Variants in SMG6 observed in about 807,000 individuals in gnomAD.
SMG6 encodes the protein SMG6 nonsense mediated mRNA decay factor, also known as telomerase-binding protein EST1A.
SMG6 carries 66 observed loss-of-function variants against 142.2 expected under a neutral mutation model. That is an observed-to-expected ratio of 0.46 (90% CI 0.38 to 0.57). The LOEUF (loss-of-function observed/expected upper bound fraction) is 0.57, where lower values mean the gene tolerates loss of function less well. Among genes scored for constraint, SMG6 ranks in the 20% least tolerant of loss-of-function variants. The pLI is 0.00. For synonymous variants in SMG6, 779 were observed against 702.4 expected (o/e 1.11, Z -1.72); for missense variants, 1,793 against 1,832.0 (o/e 0.98, Z 0.39).
At chr17:2,184,657 CAAAAAAA>C (rs150364302) in intron 12 of SMG6, among the ~76,000 whole-genome samples, 2 of 52,798 alleles carry the variant, frequency 3.8e-5, no homozygotes, top group African/African-American at 1.6e-4. Context: ...AACTCCGTCT[CAAAAAAA>C]AAAAAAAAAA....
In SMG6 at chr17:2,186,817, G is replaced by T; in HGVS notation, c.3001C>A (p.Pro1001Thr). 1 of 1,614,164 alleles carries T rather than the reference G, an allele frequency of 6.2e-7. No homozygotes were observed. Among genetic ancestry groups the T allele is most frequent in the South Asian group, 1.1e-5 (1 of 91,066 alleles). ...KESAKAQLSS[P>T]EDQDDQDDIK... is the part of the protein sequence containing the mutation. ...TCGTCTTGGTCATCCTGGTCCTCAG[G>T]AGAGGACAGCTGAGCTGCAGAGGCA... The change falls in exon 12 of 19, where the codon CCT becomes ACT. Residue 1001 changes from proline (P) to threonine (T), a missense_variant. Transcript: ENST00000263073.
At chr17:2,286,697 T>C (rs1350964656) in intron 6 of SMG6, among the ~76,000 whole-genome samples, 1 of 152,066 alleles carries the variant, frequency 6.6e-6, no homozygotes. Flanking sequence ...GATTTGGTAA[T>C]GGTTTCATAG....
At chr17:2,282,419 T>G (rs1005205607) in intron 8 of SMG6, among the ~76,000 whole-genome samples, 14 of 147,052 alleles carry the variant, frequency 9.5e-5, no homozygotes, top group Middle Eastern at 3.4e-3. Flanking sequence ...AAAAAAATTC[T>G]AATCCTACTT....
At chr17:2,283,141 G>C (rs1309775180) in intron 7 of SMG6, among the ~76,000 whole-genome samples, 1 of 152,208 alleles carries the variant, frequency 6.6e-6, no homozygotes, top group Non-Finnish European at 1.5e-5. Flanking sequence ...CTGCACTCCA[G>C]TCTGGGCAAC....
rs148167456 is a variant in SMG6 at position 2,186,742 on chromosome 17, C to T, written c.3076G>A (p.Val1026Ile). 5 of 1,614,222 alleles carry T rather than the reference C, an allele frequency of 3.1e-6. No homozygotes were observed. The African/African-American group carries it at 6.7e-5, about 22-fold the overall frequency. The change falls in exon 12 of 19, where the codon GTC becomes ATC. Residue 1026 changes from valine (V) to isoleucine (I), a missense_variant. This residue lies in a region of SMG6 where 1,597 missense variants were observed against 1,584.6 expected (regional missense o/e 1.01). Coordinates refer to ENST00000263073, the MANE Select transcript of SMG6 (RefSeq NM_017575.5). The stretch of plus-strand genomic sequence containing the variant: ...AGCATCCAATCTGACCAGACTTTGA[C>T]ACTGGGGAGCAGCTCCTTCAGGTCC... The part of the protein sequence containing the change: ...VPDLKELLPS[V>I]KVWSDWMLGY...
chr17:2,078,260 GGA>G (rs2068315213), intron 15 of SMG6, among the ~76,000 whole-genome samples: 1 of 152,178 alleles, frequency 6.6e-6, no homozygotes, highest in South Asian at 2.1e-4. Flanking sequence ...GAAACAGAGA[GGA>G]GAAGAGGGAA....
At chr17:2,295,102 T>G (rs2075117827) in intron 4 of SMG6, among the ~76,000 whole-genome samples, 2 of 152,124 alleles carry the variant, frequency 1.3e-5, no homozygotes, top group Admixed American at 1.3e-4. Flanking sequence ...GGTCTCAAAC[T>G]CCTGACCTCA....
At chr17:2,184,999 T>C (rs972276829) in intron 12 of SMG6, among the ~76,000 whole-genome samples, 7 of 130,374 alleles carry the variant, frequency 5.4e-5, no homozygotes, top group Admixed American at 4.1e-4. Flanking sequence ...CAGCTATAGA[T>C]GTGGACACAG....
In SMG6 at chr17:2,295,035, C is replaced by G. The variant is rs571109978; in HGVS notation, c.2152-2058G>C. 2.2e-3 allele frequency among the ~76,000 whole-genome samples: 330 copies of G among 152,262 alleles called. 1 individual carries two copies. Among genetic ancestry groups the G allele is most frequent in the African/African-American group, 7.6e-3 (315 of 41,556 alleles). On this transcript the variant is annotated intron_variant, in intron 4 of 18. Coordinates refer to ENST00000263073, the MANE Select transcript of SMG6 (RefSeq NM_017575.5). ...GGGATTACAGGCATGCACCACCACA[C>G]CCAGCTAATTTTTGTATTTTTAGTA... is the stretch of plus-strand genomic sequence containing the variant.
rs965124878 is a variant in SMG6 at position 2,071,002 on chromosome 17, C to T, written c.3682-2071G>A. The stretch of plus-strand genomic sequence containing the variant: ...CTCATTTCTCAGGCCATGCGCTCTC[C>T]GTCTAGCTCTTCTGTTGCCAGGCAT... On this transcript the variant is annotated intron_variant, in intron 15 of 18. Coordinates refer to ENST00000263073, the MANE Select transcript of SMG6 (RefSeq NM_017575.5). This position sits in a 1 kb window ranked among gnomAD's most constrained non-coding sequence, Gnocchi z 5.6. Among the ~76,000 whole-genome samples the T allele has an allele frequency of 2.0e-5, 3 of 152,236 alleles. No homozygotes were observed. The highest frequency in any genetic ancestry group is 4.8e-5 in the African/African-American group (2 of 41,466).
At chr17:2,265,497 A>G (rs1488402927) in intron 8 of SMG6, among the ~76,000 whole-genome samples, 1 of 147,058 alleles carries the variant, frequency 6.8e-6, no homozygotes, top group African/African-American at 2.4e-5. Context: ...ACAACAGAGC[A>G]AGACTGCCTC....
At chr17:2,190,598 C>T (rs1167655267) in intron 10 of SMG6, among the ~76,000 whole-genome samples, 5 of 152,206 alleles carry the variant, frequency 3.3e-5, no homozygotes, top group Admixed American at 2.6e-4. Context: ...ATGGGATCTG[C>T]GGTCTTCGTG....
At chr17:2,079,089 G>A (rs1029228526) in intron 15 of SMG6, among the ~76,000 whole-genome samples, 49 of 151,930 alleles carry the variant, frequency 3.2e-4, no homozygotes, top group Non-Finnish European at 5.6e-4. Flanking sequence ...TCAGCCTCCC[G>A]AGTAGCTGGG....
intron 14 of SMG6, chr17:2,082,178 T>G: frequency 1.8e-6 from 1 of 552,190 alleles, no homozygotes; most frequent in South Asian, 2.4e-5. Flanking sequence ...TCTGGGGCTT[T>G]TCCCTCAGAG....
At chr17:2,290,130 C>A (rs1267424586) in intron 6 of SMG6, among the ~76,000 whole-genome samples, 1 of 151,920 alleles carries the variant, frequency 6.6e-6, no homozygotes. Flanking sequence ...CAAAGTGATT[C>A]TAAAGTTTAC....
At chr17:2,192,379 A>T (rs2072190815) in intron 10 of SMG6, among the ~76,000 whole-genome samples, 1 of 152,228 alleles carries the variant, frequency 6.6e-6, no homozygotes, top group Non-Finnish European at 1.5e-5. Flanking sequence ...GCAAGAGCAT[A>T]AGAAGAGTAA....
chr17:2,302,989 G>A, intron 1 of SMG6: 6 of 985,450 alleles, frequency 6.1e-6, no homozygotes, highest in Non-Finnish European at 6.0e-6. Context: ...CGCAGGAGAG[G>A]TGAGACACTT....
chr17:2,191,574 A>C (rs940550349), intron 10 of SMG6, among the ~76,000 whole-genome samples: 1 of 152,188 alleles, frequency 6.6e-6, no homozygotes, highest in East Asian at 1.9e-4. Flanking sequence ...TCTTTCCAAA[A>C]GCAGAGACTT....
chr17:2,186,732 C>A lies in SMG6; in HGVS notation c.3086G>T (p.Trp1029Leu), dbSNP rs2071999421. The A allele has an allele frequency of 3.1e-6, 5 of 1,614,078 alleles. No homozygotes were observed. Among genetic ancestry groups the A allele is most frequent in the Non-Finnish European group, 8.5e-7 (1 of 1,180,042 alleles). ...LKELLPSVKV[W>L]SDWMLGYPDT... ...CGGGTAGCCGAGCATCCAATCTGAC[C>A]AGACTTTGACACTGGGGAGCAGCTC... Residue 1029 changes from tryptophan (W) to leucine (L), a missense_variant, in exon 12 of 19, where the codon TGG becomes TTG. Coordinates refer to ENST00000263073, the MANE Select transcript of SMG6 (RefSeq NM_017575.5).
Sources: gnomAD v4.1 joint callset for allele counts (sites outside exome capture counted in the v4.1 genomes callset) on GRCh38, gnomAD v4.1.1 for gene constraint, gnomAD v4.1.1 regional missense constraint, Gnocchi (gnomAD v3.1) non-coding constraint, MANE v1.5 for transcripts, NCBI Gene and HGNC (gene_info 2026-07-23, HGNC 2026-07-21) for gene names.